RHOA: variants seen among roughly 807,000 people sequenced by gnomAD.
RHOA encodes the protein ras homolog family member A, also known as transforming protein RhoA.
Under a neutral mutation model 17.5 loss-of-function variants are expected in RHOA, and 3 were observed. The observed-to-expected ratio is 0.17, with a 90% CI of 0.08 to 0.44. The LOEUF is 0.44. RHOA is among the 20% of genes least tolerant of loss of function. The pLI, the probability that RHOA is intolerant of heterozygous loss-of-function variation, is 0.99. For synonymous variants in RHOA, 98 were observed against 88.4 expected (o/e 1.11, Z -0.61); for missense variants, 56 against 242.3 (o/e 0.23, Z 5.10).
At chr3:49,400,290 C>A (rs1319449091) in intron 1 of RHOA, among the ~76,000 whole-genome samples, 2 of 150,612 alleles carry the variant, frequency 1.3e-5, no homozygotes, top group Non-Finnish European at 3.0e-5. Flanking sequence ...CCTAGTCTAA[C>A]CAAAACTGGC....
chr3:49,362,015 C>A (rs888824096), intron 4 of RHOA, among the ~76,000 whole-genome samples: 1 of 151,842 alleles, frequency 6.6e-6, no homozygotes, highest in East Asian at 1.9e-4. Context: ...GGGTGAAACC[C>A]CATCTATTAA....
In RHOA at chr3:49,360,225, C is replaced by A; in HGVS notation, c.566G>T (p.Gly189Val). 2.5e-6 allele frequency: 4 copies of A among 1,613,168 alleles called. No individual in the cohort carries two copies. The highest frequency in any genetic ancestry group is 3.4e-6 in the Non-Finnish European group (4 of 1,179,766). Residue 189 changes from glycine (G) to valine (V), a missense_variant, in exon 5 of 5, where the codon GGG becomes GTG. Transcript: ENST00000418115. Reference protein sequence around the residue: ...LQARRGKKKSGCLVL With the variant: ...LQARRGKKKSVCLVL ...AGCAAGGTTTCACAAGACAAGGCAC[C>A]CAGATTTTTTCTTCCCACGTCTAGC...
intron 2 of RHOA, among the ~76,000 whole-genome samples, chr3:49,368,911 G>A (rs577539973): frequency 6.9e-6 from 1 of 145,146 alleles, no homozygotes; most frequent in African/African-American, 2.6e-5. Context: ...GTTTCACTGT[G>A]TTAGCCAGGA....
intron 1 of RHOA, among the ~76,000 whole-genome samples, chr3:49,382,815 C>T (rs2048338282): frequency 6.6e-6 from 1 of 152,078 alleles, no homozygotes; most frequent in African/African-American, 2.4e-5. Flanking sequence ...AATCCCAGTA[C>T]TTTGAGAGGT....
chr3:49,370,111 G>A (rs2107841616), intron 2 of RHOA, among the ~76,000 whole-genome samples: 1 of 152,106 alleles, frequency 6.6e-6, no homozygotes, highest in African/African-American at 2.4e-5. Context: ...GCTGACTGTG[G>A]TGGTGCACGC....
At chr3:49,409,857 A>T (rs1012154556) in intron 1 of RHOA, among the ~76,000 whole-genome samples, 1 of 152,236 alleles carries the variant, frequency 6.6e-6, no homozygotes, top group South Asian at 2.1e-4. Flanking sequence ...TCAACAGTCA[A>T]AAGTGCCCAC....
chr3:49,387,161 C>A (rs1398913191), intron 1 of RHOA, among the ~76,000 whole-genome samples: 20 of 83,280 alleles, frequency 2.4e-4, no homozygotes, highest in African/African-American at 3.2e-4. Context: ...AAAAAAAAAA[C>A]AGGCCGGGCG....
chr3:49,364,986 AAAAT>A (rs896021578), intron 3 of RHOA, among the ~76,000 whole-genome samples: 1 of 152,136 alleles, frequency 6.6e-6, no homozygotes, highest in African/African-American at 2.4e-5. Flanking sequence ...AACAAAAATA[AAAAT>A]AAATAAAACA....
At chr3:49,410,644 C>G (rs1300064656) in intron 1 of RHOA, among the ~76,000 whole-genome samples, 1 of 152,172 alleles carries the variant, frequency 6.6e-6, no homozygotes, top group Non-Finnish European at 1.5e-5. Flanking sequence ...CCAATCTAGC[C>G]ACATCTAAGG....
At chr3:49,398,033 C>T (rs984863989) in intron 1 of RHOA, among the ~76,000 whole-genome samples, 1 of 152,146 alleles carries the variant, frequency 6.6e-6, no homozygotes, top group African/African-American at 2.4e-5. Flanking sequence ...TTTTTTCTTT[C>T]GCTACATTCA....
intron 2 of RHOA, among the ~76,000 whole-genome samples, chr3:49,374,027 C>G (rs1388310035): frequency 6.6e-6 from 1 of 152,112 alleles, no homozygotes; most frequent in Non-Finnish European, 1.5e-5. Context: ...AATAAAACAA[C>G]TGTGGCAGGC....
At chr3:49,378,170 T>TAA (rs71627382) in intron 1 of RHOA, among the ~76,000 whole-genome samples, 29,274 of 90,072 alleles carry the variant, frequency 0.33, 5,626 homozygotes, top group East Asian at 0.92. Context: ...AACTGTGTCT[T>TAA]AAAAAAAAAA....
At chr3:49,378,787 C>T (rs977791154) in intron 1 of RHOA, among the ~76,000 whole-genome samples, 4 of 151,566 alleles carry the variant, frequency 2.6e-5, no homozygotes, top group South Asian at 2.1e-4. Flanking sequence ...ATACAGATAG[C>T]GTTTCACTAT....
chr3:49,389,176 T>C (rs1326727367), intron 1 of RHOA, among the ~76,000 whole-genome samples: 1 of 150,598 alleles, frequency 6.6e-6, no homozygotes, highest in African/African-American at 2.4e-5. Flanking sequence ...ACCCCATCTC[T>C]ACAAAAATAC....
At chr3:49,389,289 T>C (rs1038928499) in intron 1 of RHOA, among the ~76,000 whole-genome samples, 5 of 151,692 alleles carry the variant, frequency 3.3e-5, no homozygotes, top group Non-Finnish European at 7.4e-5. Flanking sequence ...CGCTCCAGCC[T>C]GGGCGACAAA....
At chr3:49,406,581 C>G (rs908184973) in intron 1 of RHOA, 5 of 152,030 alleles carry the variant, frequency 3.3e-5, no homozygotes, top group African/African-American at 1.2e-4. Flanking sequence ...CCAGCCTGGC[C>G]GACATGGTAA....
At chr3:49,363,616 C>T (rs2048007688) in intron 3 of RHOA, among the ~76,000 whole-genome samples, 1 of 151,996 alleles carries the variant, frequency 6.6e-6, no homozygotes, top group African/African-American at 2.4e-5. Context: ...CTTTGGGAGG[C>T]TTAGGTGGGT....
chr3:49,372,377 A>T (rs749106962), intron 2 of RHOA, among the ~76,000 whole-genome samples: 1 of 152,180 alleles, frequency 6.6e-6, no homozygotes, highest in Non-Finnish European at 1.5e-5. Flanking sequence ...CTTGGGCCAG[A>T]AAGTATCTTA....
chr3:49,370,864 C>G (rs1166858086), intron 2 of RHOA, among the ~76,000 whole-genome samples: 1 of 152,200 alleles, frequency 6.6e-6, no homozygotes, highest in African/African-American at 2.4e-5. Flanking sequence ...AGCACCTTCA[C>G]AGCCCAAATT....
Sources: allele counts gnomAD v4.1 joint callset (sites outside exome capture counted in the v4.1 genomes callset), GRCh38; gene constraint gnomAD v4.1.1; transcripts MANE v1.5; gene names NCBI Gene and HGNC (gene_info 2026-07-23, HGNC 2026-07-21).